SFSWAP: variants seen among roughly 807,000 people sequenced by gnomAD.
SFSWAP encodes splicing factor, suppressor of white-apricot homolog.
SFSWAP carries 17 observed loss-of-function variants against 100.7 expected under a neutral mutation model. The ratio of observed to expected loss-of-function variants is 0.17; its 90% CI spans 0.12 to 0.25. The LOEUF is 0.25. Ranked by LOEUF, SFSWAP falls within the 10% of genes least tolerant of loss-of-function variation. SFSWAP has a pLI of 1.00. For missense variants in SFSWAP, 1,005 were observed against 1,262.6 expected, an observed-to-expected ratio of 0.80 and a Z score of 3.09; for synonymous variants, 504 against 510.1, an observed-to-expected ratio of 0.99 and a Z score of 0.16.
chr12:131,723,139 G>A (rs1170703657), intron 4 of SFSWAP: 1 of 152,114 alleles, frequency 6.6e-6, no homozygotes, highest in African/African-American at 2.4e-5. Flanking sequence ...GCAGATTAGA[G>A]CATTATTTCA....
chr12:131,731,091 G>A (rs1488795424), intron 7 of SFSWAP, among the ~76,000 whole-genome samples: 1 of 152,214 alleles, frequency 6.6e-6, no homozygotes, highest in Non-Finnish European at 1.5e-5. Flanking sequence ...GAAGGTGGGG[G>A]AGGTGTCCTC....
chr12:131,730,391 A>G lies in SFSWAP; in HGVS notation c.1081+1963A>G, dbSNP rs1478522741. ...CCCTGAAGCTGCTGCAAAGCAGAGG[A>G]CTAGAAATTCAGGGCGGGCTGACCT... On this transcript the variant is annotated intron_variant, in intron 7 of 17. Coordinates refer to ENST00000261674, the MANE Select transcript of SFSWAP (RefSeq NM_004592.4). This position sits in a 1 kb window ranked among gnomAD's most constrained non-coding sequence, Gnocchi z 4.0. Among the ~76,000 whole-genome samples the G allele has an allele frequency of 2.0e-5, 3 of 152,224 alleles. No individual in the cohort carries two copies. Among genetic ancestry groups the G allele is most frequent in the Non-Finnish European group, 4.4e-5 (3 of 68,046 alleles).
Position 131,725,552 on chromosome 12 carries a change from T to A in SFSWAP, c.754T>A (p.Tyr252Asn). The A allele has an allele frequency of 1.9e-6, 3 of 1,614,064 alleles. No homozygotes were observed. Among genetic ancestry groups the A allele is most frequent in the Non-Finnish European group, 2.5e-6 (3 of 1,180,020 alleles). ...FLRFDHYLNP[Y>N]YKFIQKAMKE... Reference sequence around the variant, plus strand: ...GCGCTTCGACCACTACCTCAACCCCTACTATAAGTTCATCCAGAAAGCCAT... The same window carrying A: ...GCGCTTCGACCACTACCTCAACCCCAACTATAAGTTCATCCAGAAAGCCAT... Residue 252 changes from tyrosine (Y) to asparagine (N), a missense_variant, in exon 5 of 18, where the codon TAC becomes AAC. By Grantham distance (143) the Tyr-to-Asn change is moderately radical. Coordinates refer to ENST00000261674, the MANE Select transcript of SFSWAP (RefSeq NM_004592.4). The surrounding 1 kb of genome is among the most constrained non-coding windows in gnomAD (Gnocchi z 4.3).
At chr12:131,751,639 A>G (rs977892350) in intron 7 of SFSWAP, among the ~76,000 whole-genome samples, 2 of 152,368 alleles carry the variant, frequency 1.3e-5, no homozygotes, top group Admixed American at 1.3e-4. Context: ...ACAGAAGCAC[A>G]TGCTTATATT....
In SFSWAP at chr12:131,753,426, G is replaced by A. The variant is rs563794657; in HGVS notation, c.1322+63G>A. The A allele has an allele frequency of 6.1e-4, 936 of 1,536,328 alleles. 2 individuals are homozygous for A. The highest frequency in any genetic ancestry group is 8.3e-4 in the Admixed American group (43 of 51,770). The stretch of plus-strand genomic sequence containing the variant: ...ACTCAGCACTGCAGTCACTGGGGCC[G>A]TCTGTGTCTCCATGGGGGGCTTGTA... On this transcript the variant is annotated intron_variant, in intron 8 of 17. Coordinates refer to ENST00000261674, the MANE Select transcript of SFSWAP (RefSeq NM_004592.4).
intron 4 of SFSWAP, among the ~76,000 whole-genome samples, chr12:131,720,223 A>C (rs935502451): frequency 6.6e-6 from 1 of 152,198 alleles, no homozygotes; most frequent in Non-Finnish European, 1.5e-5. Flanking sequence ...CATTCCAGTC[A>C]CTGTGCTAAG....
At chr12:131,783,819 T>TATATATATATATATATATAA (rs1884692599) in intron 14 of SFSWAP, 1 of 128,420 alleles carries the variant, frequency 7.8e-6, no homozygotes, top group Non-Finnish European at 1.7e-5. Context: ...TATATATATA[T>TATATATATATATATATATAA]ATAATTCTTT....
rs915505549 is a variant in SFSWAP, at chr12:131,711,744, C to T, written c.218+297C>T. 1 of 382,432 alleles carries T rather than the reference C, an allele frequency of 2.6e-6. No homozygotes were observed. The highest frequency in any genetic ancestry group is 2.1e-5 in the African/African-American group (1 of 48,508). 23.7% of individuals were successfully genotyped at this position (382,432 alleles called of 1,614,324 possible). A position where few individuals can be genotyped will look rare whatever the true frequency, so the allele number is the denominator to read the frequency against. Reference sequence around the variant, plus strand: ...CGCTGGGCTGCAGTTGGCGATTCCGCGCGGTGAAAGCAGCCAGTGCCCAGG... The same window carrying T: ...CGCTGGGCTGCAGTTGGCGATTCCGTGCGGTGAAAGCAGCCAGTGCCCAGG... On this transcript the variant is annotated intron_variant, in intron 1 of 17. Transcript: ENST00000261674. The surrounding 1 kb of genome is among the most constrained non-coding windows in gnomAD (Gnocchi z 4.9).
chr12:131,719,372 A>G (rs1878245158), intron 3 of SFSWAP, 82 bp from the exon 4 acceptor site: 1 of 958,568 alleles, frequency 1.0e-6, no homozygotes, highest in South Asian at 1.3e-5. Flanking sequence ...AGCCAGTCAC[A>G]TGCTTCCATC....
At chr12:131,777,686 A>G (rs1884137803) in intron 13 of SFSWAP, among the ~76,000 whole-genome samples, 1 of 152,186 alleles carries the variant, frequency 6.6e-6, no homozygotes, top group South Asian at 2.1e-4. Context: ...GTCAAATGGT[A>G]TTTCTGGTTC....
At chr12:131,735,293 TG>T (rs765685075) in intron 7 of SFSWAP, among the ~76,000 whole-genome samples, 12 of 152,236 alleles carry the variant, frequency 7.9e-5, no homozygotes, top group Non-Finnish European at 1.3e-4. Context: ...CCTTTGCAGT[TG>T]GGCTTTGTTG....
At position 131,714,128 on chromosome 12, in the gene SFSWAP, G is replaced by A. The variant is rs755964016; in HGVS notation, c.276G>A (p.Thr92=). ...DLSEYDAEYS[T]WNRDYQLSEE... Reference sequence around the variant, plus strand: ...CTGAGTACGATGCTGAGTATTCCACGTGGAACAGAGATTATCAGCTGTCTG... The same window carrying A: ...CTGAGTACGATGCTGAGTATTCCACATGGAACAGAGATTATCAGCTGTCTG... The change falls in exon 2 of 18, where the codon ACG becomes ACA. Residue 92 remains threonine (T), a synonymous_variant. Coordinates refer to ENST00000261674, the MANE Select transcript of SFSWAP (RefSeq NM_004592.4). The surrounding 1 kb of genome is among the most constrained non-coding windows in gnomAD (Gnocchi z 6.0). 9.3e-6 allele frequency: 15 copies of A among 1,613,820 alleles called. No homozygotes were observed. In the Admixed American group the frequency reaches 1.2e-4, roughly 13 times the overall value.
intron 11 of SFSWAP, among the ~76,000 whole-genome samples, chr12:131,758,214 C>T (rs1882354718): frequency 6.6e-6 from 1 of 152,192 alleles, no homozygotes; most frequent in African/African-American, 2.4e-5. Context: ...CACCTGACCC[C>T]TGCCAGCTGT....
At chr12:131,716,106 G>T (rs764810935) in intron 3 of SFSWAP, among the ~76,000 whole-genome samples, 1 of 152,142 alleles carries the variant, frequency 6.6e-6, no homozygotes, top group African/African-American at 2.4e-5. Context: ...TCTACCCATC[G>T]GCACTCTCCA....
At chr12:131,719,269 A>G (rs1878237072) in intron 3 of SFSWAP, among the ~76,000 whole-genome samples, 185 bp from the exon 4 acceptor site, 1 of 151,542 alleles carries the variant, frequency 6.6e-6, no homozygotes, top group African/African-American at 2.4e-5. Flanking sequence ...CTCATTTGGA[A>G]TTTTGTAAAG....
chr12:131,798,922 C>A, intron 16 of SFSWAP, 115 bp from the exon 17 acceptor site: 1 of 722,492 alleles, frequency 1.4e-6, no homozygotes. Context: ...GAAGCAGATG[C>A]AGTGGGCACT....
At chr12:131,718,841 G>A (rs968095343) in intron 3 of SFSWAP, among the ~76,000 whole-genome samples, 1 of 152,204 alleles carries the variant, frequency 6.6e-6, no homozygotes, top group East Asian at 1.9e-4. Context: ...TGGTAGAGAT[G>A]TTCACATGGG....
chr12:131,783,812 ATATATATAT>A, intron 14 of SFSWAP: 1 of 134,200 alleles, frequency 7.5e-6, no homozygotes, highest in Non-Finnish European at 1.6e-5. Context: ...ATATATATAT[ATATATATAT>A]AATTCTTTGT....
intron 11 of SFSWAP, among the ~76,000 whole-genome samples, chr12:131,763,603 G>C (rs1433147125): frequency 6.6e-6 from 1 of 152,116 alleles, no homozygotes; most frequent in Non-Finnish European, 1.5e-5. Flanking sequence ...CGCTGGGTTT[G>C]ACATTTTCTT....
Sources: gnomAD v4.1 joint callset for allele counts (sites outside exome capture counted in the v4.1 genomes callset) on GRCh38, gnomAD v4.1.1 for gene constraint, Gnocchi (gnomAD v3.1) non-coding constraint, MANE v1.5 for transcripts, NCBI Gene and HGNC (gene_info 2026-07-23, HGNC 2026-07-21) for gene names.